The following AGBL1 variants were observed in gnomAD, a reference collection of about 807,000 sequenced individuals.
AGBL1 encodes cytosolic carboxypeptidase 4.
Under a neutral mutation model 118.9 loss-of-function variants are expected in AGBL1, and 130 were observed. The observed-to-expected ratio is 1.09, with a 90% confidence interval of 0.95 to 1.26. The LOEUF (loss-of-function observed/expected upper bound fraction) is 1.26, where lower values mean the gene tolerates loss of function less well. Among genes scored for constraint, AGBL1 ranks in the 50% most tolerant of loss-of-function variants. The pLI is 0.00. For synonymous variants in AGBL1, 555 were observed against 478.9 expected, an observed-to-expected ratio of 1.16 and a Z score of -2.08; for missense variants, 1,584 against 1,298.1, an observed-to-expected ratio of 1.22 and a Z score of -3.38.
At chr15:86,617,791 C>T (rs2084751815) in intron 21 of AGBL1, among the ~76,000 whole-genome samples, 1 of 150,784 alleles carries the variant, frequency 6.6e-6, no homozygotes, top group Admixed American at 6.6e-5. Context: ...CACACACACA[C>T]ACAGCCAGCC....
chr15:86,317,186 A>G (rs2080025804), intron 17 of AGBL1: 1 of 152,240 alleles, frequency 6.6e-6, no homozygotes, highest in Non-Finnish European at 1.5e-5. Flanking sequence ...TCTTAAAGGA[A>G]GTGTCCACAA....
chr15:86,516,690 A>G (rs569838249), intron 18 of AGBL1, among the ~76,000 whole-genome samples: 30 of 151,152 alleles, frequency 2.0e-4, no homozygotes, highest in African/African-American at 7.1e-4. Context: ...AATCCCAGCT[A>G]CTCTGGAGGC....
intron 16 of AGBL1, among the ~76,000 whole-genome samples, chr15:86,291,166 A>G (rs1284628285): frequency 6.6e-6 from 1 of 152,194 alleles, no homozygotes; most frequent in Admixed American, 6.5e-5. Context: ...ATGTTGTCTG[A>G]GCTTTTGTAT....
Position 86,271,068 on chromosome 15 carries a change from C to T in AGBL1, c.1988-551C>T, listed in dbSNP as rs1276142139. On this transcript the variant is annotated intron_variant, in intron 14 of 22. Coordinates refer to ENST00000614907, the MANE Select transcript of AGBL1 (RefSeq NM_001386094.1). ...ATTTTTTTTTTTTTTTTTTTTTTGG[C>T]GAGACAGAGTCTCGCTCTGTCACCT... 3.1e-3 allele frequency among the ~76,000 whole-genome samples: 50 copies of T among 16,054 alleles called. No individual in the cohort carries two copies. The African/African-American group carries it at 0.036, about 11-fold the overall frequency. The allele number at this position is 16,054 out of a possible 152,430, so 10.5% of individuals were successfully genotyped here.
At chr15:86,348,935 A>G (rs1248279633) in intron 17 of AGBL1, among the ~76,000 whole-genome samples, 1 of 152,190 alleles carries the variant, frequency 6.6e-6, no homozygotes, top group African/African-American at 2.4e-5. Flanking sequence ...GATGTAATCA[A>G]GATAAGATGA....
intron 6 of AGBL1, among the ~76,000 whole-genome samples, chr15:86,239,352 T>C (rs1361675006): frequency 6.6e-6 from 1 of 152,244 alleles, no homozygotes; most frequent in East Asian, 1.9e-4. Flanking sequence ...TTCAAAACCA[T>C]CATTCTTATT....
chr15:86,376,997 A>G (rs2081050532), intron 17 of AGBL1, among the ~76,000 whole-genome samples: 2 of 152,208 alleles, frequency 1.3e-5, no homozygotes, highest in Non-Finnish European at 2.9e-5. Context: ...GCTAGACCAT[A>G]TTAATTTATG....
intron 22 of AGBL1, among the ~76,000 whole-genome samples, chr15:86,822,428 T>C (rs1272704795): frequency 1.3e-5 from 2 of 152,190 alleles, no homozygotes; most frequent in East Asian, 3.9e-4. Context: ...AGAACTAGGC[T>C]GTTTTATAAT....
intron 22 of AGBL1, among the ~76,000 whole-genome samples, chr15:86,843,397 C>T (rs2079273289): frequency 6.6e-6 from 1 of 151,446 alleles, no homozygotes; most frequent in Non-Finnish European, 1.5e-5. Flanking sequence ...GATGTTAAGG[C>T]AAGAAGGGTA....
intron 22 of AGBL1, among the ~76,000 whole-genome samples, chr15:86,765,934 A>G (rs1204037664): frequency 2.0e-4 from 30 of 151,990 alleles, no homozygotes; most frequent in Admixed American, 2.0e-3. Context: ...TAGTTTAGTC[A>G]GCAACTATTT....
intron 22 of AGBL1, among the ~76,000 whole-genome samples, chr15:86,855,451 C>T (rs113731386): frequency 0.023 from 3,544 of 152,240 alleles, 70 homozygotes; most frequent in Middle Eastern, 0.1. Context: ...GTTAAGCAAT[C>T]CAGCTATTTC....
chr15:86,575,473 T>G (rs73461605), intron 21 of AGBL1, among the ~76,000 whole-genome samples: 3,243 of 152,068 alleles, frequency 0.021, 123 homozygotes, highest in African/African-American at 0.072. Context: ...GTAGTCCAGT[T>G]TGGGTAACAG....
chr15:86,980,333 T>A (rs1255926600), intron 23 of AGBL1, among the ~76,000 whole-genome samples: 1 of 152,212 alleles, frequency 6.6e-6, no homozygotes, highest in Non-Finnish European at 1.5e-5. Flanking sequence ...TATTTAATGT[T>A]CTGTTTGAAT....
At chr15:86,440,755 C>T (rs904246546) in intron 18 of AGBL1, among the ~76,000 whole-genome samples, 1 of 152,098 alleles carries the variant, frequency 6.6e-6, no homozygotes, top group Non-Finnish European at 1.5e-5. Flanking sequence ...GCAGCACAAA[C>T]ACAATAGGAA....
At chr15:86,671,355 C>A (rs2085743472) in intron 21 of AGBL1, among the ~76,000 whole-genome samples, 1 of 152,124 alleles carries the variant, frequency 6.6e-6, no homozygotes, top group Non-Finnish European at 1.5e-5. Context: ...AACCTTCTAC[C>A]TTTTCCTCAA....
At chr15:86,273,924 G>C (rs1362171606) in intron 15 of AGBL1, among the ~76,000 whole-genome samples, 1 of 152,182 alleles carries the variant, frequency 6.6e-6, no homozygotes, top group Non-Finnish European at 1.5e-5. Flanking sequence ...CAGCAATGAT[G>C]AGCAGTTAAG....
chr15:86,269,308 G>T (rs1309200287), intron 13 of AGBL1, among the ~76,000 whole-genome samples: 1 of 152,194 alleles, frequency 6.6e-6, no homozygotes, highest in African/African-American at 2.4e-5. Context: ...TTTATAAACA[G>T]CACCTCAAGT....
intron 18 of AGBL1, among the ~76,000 whole-genome samples, chr15:86,505,954 T>A (rs967183037): frequency 1.3e-5 from 2 of 152,092 alleles, no homozygotes; most frequent in African/African-American, 4.8e-5. Flanking sequence ...TTTAGTGACT[T>A]CTTGAAGTAA....
intron 5 of AGBL1, among the ~76,000 whole-genome samples, chr15:86,200,403 C>T (rs913117869): frequency 2.6e-5 from 4 of 152,266 alleles, no homozygotes; most frequent in Non-Finnish European, 4.4e-5. Context: ...CCATCTATGG[C>T]ATTTTTCTGT....
Sources: gnomAD v4.1 joint callset for allele counts (sites outside exome capture counted in the v4.1 genomes callset) on GRCh38, gnomAD v4.1.1 for gene constraint, MANE v1.5 for transcripts, NCBI Gene and HGNC (gene_info 2026-07-23, HGNC 2026-07-21) for gene names.